MDGA2: variants seen among roughly 807,000 people sequenced by gnomAD.
MDGA2 encodes the protein MAM domain-containing glycosylphosphatidylinositol anchor protein 2.
MDGA2 carries 40 observed loss-of-function variants against 117.8 expected under a neutral mutation model. The ratio of observed to expected loss-of-function variants is 0.34; its 90% CI spans 0.26 to 0.44. MDGA2 has a LOEUF of 0.44. Among genes scored for constraint, MDGA2 ranks in the 20% least tolerant of loss-of-function variants. The pLI is 1.00. For missense variants in MDGA2, 1,123 were observed against 1,250.6 expected (o/e 0.90, Z 1.54); for synonymous variants, 452 against 439.0 (o/e 1.03, Z -0.37).
intron 1 of MDGA2, among the ~76,000 whole-genome samples, chr14:47,530,095 T>C (rs763994101): frequency 6.6e-6 from 1 of 152,154 alleles, no homozygotes; most frequent in Non-Finnish European, 1.5e-5. Flanking sequence ...CAGGGAGGTT[T>C]CACATCACCA....
chr14:47,495,409 G>GA (rs146241054), intron 1 of MDGA2, among the ~76,000 whole-genome samples: 13,588 of 146,954 alleles, frequency 0.092, 695 homozygotes, highest in African/African-American at 0.13. Flanking sequence ...CCTAAATCCA[G>GA]AAAAAAAAAA....
chr14:47,414,644 T>C (rs1399809471), intron 1 of MDGA2, among the ~76,000 whole-genome samples: 1 of 152,126 alleles, frequency 6.6e-6, no homozygotes, highest in African/African-American at 2.4e-5. Flanking sequence ...TACATTGTAC[T>C]TGTGGATCTG....
chr14:47,087,800 T>TAAA (rs1491439831), intron 6 of MDGA2, among the ~76,000 whole-genome samples: 3 of 47,466 alleles, frequency 6.3e-5, no homozygotes, highest in Non-Finnish European at 1.0e-4. Context: ...CTGTAGGGTA[T>TAAA]CAAAAAAAAA....
At chr14:47,423,978 A>G (rs866042464) in intron 1 of MDGA2, among the ~76,000 whole-genome samples, 2 of 151,864 alleles carry the variant, frequency 1.3e-5, no homozygotes, top group Admixed American at 1.3e-4. Context: ...ATACCTGGCT[A>G]ATTTTTGTAT....
chr14:47,212,954 A>G (rs1885940079), intron 3 of MDGA2, among the ~76,000 whole-genome samples: 2 of 152,122 alleles, frequency 1.3e-5, no homozygotes, highest in Non-Finnish European at 2.9e-5. Flanking sequence ...CTGAAGCTCA[A>G]TGTATGACAA....
chr14:47,468,568 C>A (rs1189805255), intron 1 of MDGA2, among the ~76,000 whole-genome samples: 1 of 152,140 alleles, frequency 6.6e-6, no homozygotes, highest in East Asian at 1.9e-4. Flanking sequence ...TTCTAAACGA[C>A]ACTTAATAAG....
chr14:47,280,747 C>A lies in MDGA2; in HGVS notation c.420+20664G>T, dbSNP rs569171457. ...TTAGTAAGGCCATATATACTTATCA[C>A]ACAGCTTCAACAAATGATAATTTGC... On this transcript the variant is annotated intron_variant, in intron 2 of 16. Coordinates refer to ENST00000399232, the MANE Select transcript of MDGA2 (RefSeq NM_001113498.3). Among the ~76,000 whole-genome samples, 8 of 152,090 alleles carry A rather than the reference C, an allele frequency of 5.3e-5. No homozygotes were observed. In the South Asian group the frequency reaches 1.7e-3, roughly 32 times the overall value.
At chr14:47,044,821 C>A (rs954337320) in intron 7 of MDGA2, among the ~76,000 whole-genome samples, 4 of 152,120 alleles carry the variant, frequency 2.6e-5, no homozygotes, top group East Asian at 1.9e-4. Flanking sequence ...GAAATGTCCA[C>A]GCATACACAC....
At chr14:47,249,026 G>T (rs28418843) in intron 2 of MDGA2, among the ~76,000 whole-genome samples, 119,944 of 144,984 alleles carry the variant, frequency 0.83, 49,402 homozygotes, top group East Asian at 0.93. Flanking sequence ...TGTTGTTGTT[G>T]TTTTTTGTTT....
intron 6 of MDGA2, among the ~76,000 whole-genome samples, chr14:47,062,880 T>G (rs1178454092): frequency 6.6e-6 from 1 of 152,116 alleles, no homozygotes; most frequent in African/African-American, 2.4e-5. Context: ...AATATTTTCA[T>G]CTGCTTTCTT....
At chr14:47,290,351 A>G (rs1340325932) in intron 2 of MDGA2, among the ~76,000 whole-genome samples, 1 of 152,092 alleles carries the variant, frequency 6.6e-6, no homozygotes, top group East Asian at 1.9e-4. Flanking sequence ...CAAGTATGAG[A>G]AAGCAAGCCC....
At position 47,335,734 on chromosome 14, in the gene MDGA2, T is replaced by TTTTATATATATATATATATATA. The variant is rs1255206359; in HGVS notation, c.281-34185_281-34184insTATATATATATATATATATAAA. Among the ~76,000 whole-genome samples, 45 of 48,006 alleles carry TTTTATATATATATATATATATA rather than the reference T, an allele frequency of 9.4e-4. 2 individuals are homozygous for TTTTATATATATATATATATATA. Among genetic ancestry groups the TTTTATATATATATATATATATA allele is most frequent in the Non-Finnish European group, 1.5e-3 (35 of 23,776 alleles). The allele number at this position is 48,006 out of a possible 152,430, so 31.5% of individuals were successfully genotyped here. ...ACACATACACATGCACACATATATT[T>TTTTATATATATATATATATATA]TATATATATATATACATACATACAT... On this transcript the variant is annotated intron_variant, in intron 1 of 16. Coordinates refer to ENST00000399232, the MANE Select transcript of MDGA2 (RefSeq NM_001113498.3).
At chr14:47,289,230 T>C (rs958057203) in intron 2 of MDGA2, among the ~76,000 whole-genome samples, 2 of 151,536 alleles carry the variant, frequency 1.3e-5, no homozygotes, top group Non-Finnish European at 2.9e-5. Flanking sequence ...AGTAGATTGC[T>C]ACTATATTTA....
At position 47,282,265 on chromosome 14, in the gene MDGA2, T is replaced by C. The variant is rs573481623; in HGVS notation, c.420+19146A>G. On this transcript the variant is annotated intron_variant, in intron 2 of 16. Coordinates refer to ENST00000399232, the MANE Select transcript of MDGA2 (RefSeq NM_001113498.3). ...TATTATATACTAATAGATACTGATA[T>C]ATTTGACATTAATGCAGTCACTTGA... Among the ~76,000 whole-genome samples, 5 of 152,308 alleles carry C rather than the reference T, an allele frequency of 3.3e-5. 1 individual carries two copies. In the South Asian group the frequency reaches 1.0e-3, roughly 32 times the overall value.
chr14:47,096,250 T>A (rs1879960762), intron 6 of MDGA2, among the ~76,000 whole-genome samples: 1 of 152,086 alleles, frequency 6.6e-6, no homozygotes. Flanking sequence ...AGACCTAGTA[T>A]GAATGTTATT....
chr14:47,613,479 TCACACACACA>T (rs1555336468), intron 1 of MDGA2, among the ~76,000 whole-genome samples: 7 of 141,088 alleles, frequency 5.0e-5, no homozygotes, highest in Non-Finnish European at 1.1e-4. Context: ...TCTCTCTCTC[TCACACACACA>T]CACACACACA....
intron 12 of MDGA2, among the ~76,000 whole-genome samples, chr14:46,875,202 A>G (rs1882176152): frequency 6.6e-6 from 1 of 151,752 alleles, no homozygotes; most frequent in Admixed American, 6.6e-5. Context: ...CACTTAAAGA[A>G]CAGAGACTTC....
chr14:47,450,175 G>T (rs1893211657), intron 1 of MDGA2, among the ~76,000 whole-genome samples: 1 of 151,954 alleles, frequency 6.6e-6, no homozygotes, highest in East Asian at 1.9e-4. Flanking sequence ...TATGGTAAAT[G>T]GATTTGAGGT....
chr14:47,553,088 T>C (rs1895615896), intron 1 of MDGA2, among the ~76,000 whole-genome samples: 1 of 152,250 alleles, frequency 6.6e-6, no homozygotes, highest in Non-Finnish European at 1.5e-5. Context: ...GAGGCGGCCC[T>C]AACCTGAGGC....
Sources: allele counts gnomAD v4.1 joint callset (sites outside exome capture counted in the v4.1 genomes callset), GRCh38; gene constraint gnomAD v4.1.1; transcripts MANE v1.5; gene names NCBI Gene and HGNC (gene_info 2026-07-23, HGNC 2026-07-21).